Variants in EPM2A observed in about 807,000 individuals in gnomAD.
EPM2A encodes the protein laforin.
A neutral mutation model predicts 26.5 loss-of-function variants in EPM2A; 21 were observed. The ratio of observed to expected loss-of-function variants is 0.79; its 90% CI spans 0.56 to 1.14. The LOEUF (loss-of-function observed/expected upper bound fraction) is 1.14, where lower values mean the gene tolerates loss of function less well. EPM2A is among the 50% of genes most tolerant of loss of function. The pLI, the probability that EPM2A is intolerant of heterozygous loss-of-function variation, is 0.00. For missense variants in EPM2A, 458 were observed against 440.8 expected (o/e 1.04, Z -0.35); for synonymous variants, 217 against 177.6 (o/e 1.22, Z -1.76).
intron 4 of EPM2A, among the ~76,000 whole-genome samples, chr6:145,408,818 G>A (rs1236675428): frequency 6.6e-6 from 1 of 152,090 alleles, no homozygotes; most frequent in Non-Finnish European, 1.5e-5. Flanking sequence ...TCTGGTGAGG[G>A]CTCTCTGCTT....
At chr6:145,646,280 C>T (rs182781407) in intron 2 of EPM2A, among the ~76,000 whole-genome samples, 4 of 152,168 alleles carry the variant, frequency 2.6e-5, no homozygotes, top group Non-Finnish European at 5.9e-5. Flanking sequence ...CCTCAGCCTC[C>T]GGAGTAGCTG....
At chr6:145,678,936 A>G (rs2128607087) in intron 2 of EPM2A, among the ~76,000 whole-genome samples, 1 of 152,294 alleles carries the variant, frequency 6.6e-6, no homozygotes, top group Middle Eastern at 3.4e-3. Context: ...TGCTACTATA[A>G]AGACACATGC....
At position 145,635,325 on chromosome 6, in the gene EPM2A, G is replaced by A. The variant is rs1776570390; in HGVS notation, c.638C>T (p.Thr213Ile). 3 of 1,613,998 alleles carry A rather than the reference G, an allele frequency of 1.9e-6. No homozygotes were observed. Among genetic ancestry groups the A allele is most frequent in the Non-Finnish European group, 2.5e-6 (3 of 1,179,992 alleles). Reference protein sequence around the residue: ...SGCNRYPEPMTPDTMIKLYRE... With the variant: ...SGCNRYPEPMIPDTMIKLYRE... Reference sequence around the variant, plus strand: ...ATATAGTTTAATCATAGTGTCTGGAGTCATGGGCTCTGGGTAGCGGTTACA... The same window carrying A: ...ATATAGTTTAATCATAGTGTCTGGAATCATGGGCTCTGGGTAGCGGTTACA... Residue 213 changes from threonine to isoleucine, a missense_variant, in exon 3 of 4, where the codon ACT becomes ATT. Coordinates refer to ENST00000367519, the MANE Select transcript of EPM2A (RefSeq NM_005670.4).
At chr6:145,720,520 T>C (rs1465589011) in intron 1 of EPM2A, among the ~76,000 whole-genome samples, 1 of 152,208 alleles carries the variant, frequency 6.6e-6, no homozygotes, top group Non-Finnish European at 1.5e-5. Context: ...AGGATAGCTC[T>C]AAATCGAAGA....
chr6:145,485,229 G>T (rs1667136886), intron 4 of EPM2A, among the ~76,000 whole-genome samples: 1 of 151,956 alleles, frequency 6.6e-6, no homozygotes, highest in African/African-American at 2.4e-5. Flanking sequence ...TGAGAGTGAA[G>T]AGGGGCAACA....
chr6:145,635,482 G>A lies in EPM2A; in HGVS notation c.481C>T (p.Leu161=). The change falls in exon 3 of 4, where the codon CTA becomes TTA. Residue 161 remains leucine, a synonymous_variant. Transcript: ENST00000367519. ...CAGCTACCCAGCCAGATATTTGGTA[G>A]AATTCTAATGAGAACATATGGAGAC... ...GHQAMHYSRI[L]PNIWLGSCPR... is the part of the protein sequence containing the mutation. 6.2e-7 allele frequency: 1 copy of A among 1,614,020 alleles called. No individual in the cohort carries two copies. The highest frequency in any genetic ancestry group is 8.5e-7 in the Non-Finnish European group (1 of 1,179,854).
chr6:145,729,816 G>C (rs1024622256), intron 1 of EPM2A, among the ~76,000 whole-genome samples: 3 of 152,186 alleles, frequency 2.0e-5, no homozygotes, highest in African/African-American at 7.2e-5. Flanking sequence ...AGGAGATTTG[G>C]GAGGGGCTGG....
chr6:145,473,355 T>C (rs889781249), intron 4 of EPM2A, among the ~76,000 whole-genome samples: 6 of 150,884 alleles, frequency 4.0e-5, no homozygotes, highest in Non-Finnish European at 7.4e-5. Flanking sequence ...TTTGAAAATA[T>C]ACAGAGAAGA....
rs12176132 is a variant in EPM2A, at chr6:145,507,033, C to G, written c.341-4458G>C. Among the ~76,000 whole-genome samples, 239 of 152,242 alleles carry G rather than the reference C, an allele frequency of 1.6e-3. 3 individuals carry two copies. In the East Asian group the frequency reaches 0.042, roughly 27 times the overall value. On this transcript the variant is annotated intron_variant, in intron 2 of 3. Transcript: ENST00000450221. ...ACAGACATTTTCCACCTCCAAAGTG[C>G]TGAGATTATAAGCATGGGCCACCAC...
chr6:145,526,310 T>C (rs1442190983), intron 2 of EPM2A, among the ~76,000 whole-genome samples: 1 of 152,082 alleles, frequency 6.6e-6, no homozygotes, highest in Non-Finnish European at 1.5e-5. Context: ...ATACAGTAAG[T>C]TGCAGAAAAG....
chr6:145,535,491 C>T (rs1780418931), intron 2 of EPM2A, among the ~76,000 whole-genome samples: 1 of 152,166 alleles, frequency 6.6e-6, no homozygotes, highest in Non-Finnish European at 1.5e-5. Context: ...TTCTGATGAG[C>T]TGCCACGGTT....
chr6:145,475,216 C>T (rs1779526526), intron 4 of EPM2A, among the ~76,000 whole-genome samples: 1 of 152,074 alleles, frequency 6.6e-6, no homozygotes, highest in Non-Finnish European at 1.5e-5. Flanking sequence ...GGAACCAATC[C>T]AAATGCCCAT....
At chr6:145,526,671 A>T (rs561396622) in intron 2 of EPM2A, among the ~76,000 whole-genome samples, 1 of 152,046 alleles carries the variant, frequency 6.6e-6, no homozygotes. Flanking sequence ...CTTATTTGAA[A>T]GTTCTCTCTT....
At chr6:145,632,173 CT>C (rs1315586486) in intron 3 of EPM2A, 1 of 152,230 alleles carries the variant, frequency 6.6e-6, no homozygotes, top group Non-Finnish European at 1.5e-5. Context: ...TGCCGATATC[CT>C]CCCAGCTACC....
chr6:145,681,471 C>T (rs577696044), intron 2 of EPM2A, among the ~76,000 whole-genome samples: 1 of 149,436 alleles, frequency 6.7e-6, no homozygotes, highest in African/African-American at 2.5e-5. Context: ...CTTGCCCATG[C>T]CTATGTCCTG....
chr6:145,735,432 C>G lies in EPM2A; in HGVS notation c.67G>C (p.Val23Leu), dbSNP rs1060503233. 4.0e-6 allele frequency: 5 copies of G among 1,257,686 alleles called. No homozygotes were observed. The highest frequency in any genetic ancestry group is 1.6e-5 in the African/African-American group (1 of 64,044). The allele number at this position is 1,257,686 out of a possible 1,614,324, so 77.9% of individuals were successfully genotyped here. A position where few individuals can be genotyped will look rare whatever the true frequency, so the allele number is the denominator to read the frequency against. Residue 23 changes from valine to leucine, a missense_variant, in exon 1 of 4, where the codon GTG (valine) becomes CTG (leucine). Transcript: ENST00000367519. ...CGCCCCAGCTCGGGCCGCGACCCCA[C>G]CACCAGCAGCTCCGGCCGGGCGCCG... Reference protein sequence around the residue: ...VAGARPELLVVGSRPELGRWE... With the variant: ...VAGARPELLVLGSRPELGRWE...
At chr6:145,404,068 G>A (rs1778533610) in intron 4 of EPM2A, among the ~76,000 whole-genome samples, 2 of 152,092 alleles carry the variant, frequency 1.3e-5, no homozygotes, top group African/African-American at 4.8e-5. Context: ...GTCTTCTTGT[G>A]AGAAGTGCCT....
At chr6:145,623,140 T>C (rs1775672842), downstream of EPM2A, among the ~76,000 whole-genome samples, 2 of 151,324 alleles carry the variant, frequency 1.3e-5, no homozygotes, top group South Asian at 2.1e-4. Flanking sequence ...GGCTCTGTTA[T>C]AGGCACTCCA....
In EPM2A at chr6:145,718,875, CTCA is replaced by C. The variant is rs568551679; in HGVS notation, c.301+16320_301+16322del. On this transcript the variant is annotated intron_variant, in intron 1 of 3. Transcript: ENST00000367519. ...CAGCCAAAAAACACATGAAAAAATGCTCATCATCACTGGCCATCAGAGAAATGC... is the reference window on the plus strand; with the variant it reads ...CAGCCAAAAAACACATGAAAAAATGCTCATCACTGGCCATCAGAGAAATGC... Among the ~76,000 whole-genome samples the C allele has an allele frequency of 7.2e-5, 11 of 152,262 alleles. No individual in the cohort carries two copies. The South Asian group carries it at 1.9e-3, about 26-fold the overall frequency.
Sources: gnomAD v4.1 joint callset for allele counts (sites outside exome capture counted in the v4.1 genomes callset) on GRCh38, gnomAD v4.1.1 for gene constraint, MANE v1.5 for transcripts, NCBI Gene and HGNC (gene_info 2026-07-23, HGNC 2026-07-21) for gene names.